Variants in PAIP1 observed in about 807,000 individuals in gnomAD.
PAIP1 encodes the protein poly(A) binding protein interacting protein 1, also known as polyadenylate-binding protein-interacting protein 1.
Under a neutral mutation model 61.3 loss-of-function variants are expected in PAIP1, and 16 were observed. That is an observed-to-expected ratio of 0.26 (90% CI 0.18 to 0.40). The LOEUF is 0.40. Among genes scored for constraint, PAIP1 ranks in the 10% least tolerant of loss-of-function variants. The pLI, the probability that PAIP1 is intolerant of heterozygous loss-of-function variation, is 1.00. For synonymous variants in PAIP1, 187 were observed against 226.2 expected, an observed-to-expected ratio of 0.83 and a Z score of 1.56; for missense variants, 416 against 600.9, an observed-to-expected ratio of 0.69 and a Z score of 3.22.
Position 43,557,066 on chromosome 5 carries a change from C to T in PAIP1, c.-220G>A, listed in dbSNP as rs1748129635. On this transcript the variant is annotated 5_prime_UTR_variant, in exon 1 of 11. Transcript: ENST00000306846. ...CAGAGCGCCCGCCCCGCTCGGCTAC[C>T]CTCGGCTTTCCAGTTCTCCCCCAAA... 3 of 836,386 alleles carry T rather than the reference C, an allele frequency of 3.6e-6. No homozygotes were observed. The Admixed American group carries it at 1.3e-4, about 37-fold the overall frequency. 51.8% of individuals were successfully genotyped at this position (836,386 alleles called of 1,614,324 possible).
intron 5 of PAIP1, 58 bp from the exon 6 acceptor site, chr5:43,537,002 TA>T: frequency 7.9e-7 from 1 of 1,266,678 alleles, no homozygotes; most frequent in Non-Finnish European, 1.1e-6. Flanking sequence ...TACAGATACA[TA>T]AATGAACTAA....
intron 2 of PAIP1, among the ~76,000 whole-genome samples, chr5:43,549,753 T>A (rs1483421553): frequency 7.6e-6 from 1 of 131,876 alleles, no homozygotes. Context: ...GGAGTCTCGC[T>A]CTGTCACCCA....
At chr5:43,544,616 G>A (rs987830951) in intron 3 of PAIP1, among the ~76,000 whole-genome samples, 1 of 152,098 alleles carries the variant, frequency 6.6e-6, no homozygotes, top group Non-Finnish European at 1.5e-5. Context: ...ATTTCTTACT[G>A]CAACTTGAGC....
chr5:43,536,109 G>C (rs1207491973), intron 6 of PAIP1, among the ~76,000 whole-genome samples: 2 of 152,042 alleles, frequency 1.3e-5, no homozygotes, highest in Non-Finnish European at 2.9e-5. Context: ...AAAATCATCT[G>C]ACAAAACAAA....
At chr5:43,554,070 T>C (rs900721093) in intron 2 of PAIP1, among the ~76,000 whole-genome samples, 2 of 152,222 alleles carry the variant, frequency 1.3e-5, no homozygotes, top group East Asian at 1.9e-4. Context: ...CAGGAGGTGC[T>C]GATCTATTAG....
At chr5:43,544,723 A>T (rs1045048101) in intron 3 of PAIP1, among the ~76,000 whole-genome samples, 4 of 152,352 alleles carry the variant, frequency 2.6e-5, no homozygotes, top group African/African-American at 7.2e-5. Flanking sequence ...CTCATGTGAC[A>T]GGTCAGTCAA....
At chr5:43,556,512 T>G in intron 1 of PAIP1, 70 bp downstream of exon 1, 1 of 1,221,486 alleles carries the variant, frequency 8.2e-7, no homozygotes, top group Non-Finnish European at 1.0e-6. Context: ...GCGTCGGGCC[T>G]CGGCACGCGT....
In PAIP1 at chr5:43,548,400, A is replaced by AC. The variant is rs977001657; in HGVS notation, c.436-488_436-487insG. On this transcript the variant is annotated intron_variant, in intron 2 of 10. Coordinates refer to ENST00000306846, the MANE Select transcript of PAIP1 (RefSeq NM_006451.5). Reference sequence around the variant, plus strand: ...TTGACAACTTTTTTATTGGGGAAAAAAAAAACAAAAACAAAAACCTAATAA... The same window carrying AC: ...TTGACAACTTTTTTATTGGGGAAAAACAAAAACAAAAACAAAAACCTAATAA... Among the ~76,000 whole-genome samples the AC allele has an allele frequency of 3.1e-4, 47 of 151,866 alleles. 1 individual carries two copies. Among genetic ancestry groups the AC allele is most frequent in the Admixed American group, 5.9e-4 (9 of 15,246 alleles).
intron 9 of PAIP1, among the ~76,000 whole-genome samples, chr5:43,530,478 C>T (rs1399426653): frequency 6.6e-6 from 1 of 152,098 alleles, no homozygotes; most frequent in African/African-American, 2.4e-5. Flanking sequence ...AAGTCCTAAC[C>T]TCTGAATAAA....
intron 2 of PAIP1, among the ~76,000 whole-genome samples, 179 bp downstream of exon 2, chr5:43,555,651 A>G (rs578048743): frequency 3.4e-4 from 52 of 152,378 alleles, no homozygotes; most frequent in African/African-American, 1.2e-3. Flanking sequence ...GAATATAACT[A>G]CAAAATGTAT....
rs141838872 is a variant in PAIP1 at position 43,547,770 on chromosome 5, T to A, written c.579A>T (p.Thr193=). The A allele has an allele frequency of 4.2e-5, 67 of 1,611,406 alleles. No homozygotes were observed. The African/African-American group carries it at 8.7e-4, about 21-fold the overall frequency. ...CCACAAGTTCTTGCAAAGCATCATC[T>A]GTTGTAACACAACCATTCAGGGTCT... ...FAETLNGCVT[T]DDALQELVEL... Residue 193 remains threonine (T), a synonymous_variant, in exon 3 of 11, where the codon ACA becomes ACT. Transcript: ENST00000306846.
chr5:43,542,663 G>A (rs1168182468), intron 4 of PAIP1, among the ~76,000 whole-genome samples: 1 of 152,000 alleles, frequency 6.6e-6, no homozygotes, highest in African/African-American at 2.4e-5. Context: ...TGATAAAAGT[G>A]GCAATTCAAA....
rs1001791257 is a variant in PAIP1, at chr5:43,529,717, C to T, written c.1346+69G>A. ...CCAAACACCATTCCTTCATGAGCTA[C>T]TTTGTCTAATCTCCACCTATAAATT... On this transcript the variant is annotated intron_variant, in intron 10 of 10. Transcript: ENST00000306846. 22 of 854,772 alleles carry T rather than the reference C, an allele frequency of 2.6e-5. 1 individual carries two copies. The highest frequency in any genetic ancestry group is 3.4e-4 in the Middle Eastern group (1 of 2,970). 52.9% of individuals were successfully genotyped at this position (854,772 alleles called of 1,614,324 possible). A position where few individuals can be genotyped will look rare whatever the true frequency, so the allele number is the denominator to read the frequency against.
At chr5:43,534,313 C>T (rs1747059226) in intron 8 of PAIP1, among the ~76,000 whole-genome samples, 1 of 152,126 alleles carries the variant, frequency 6.6e-6, no homozygotes, top group Admixed American at 6.5e-5. Flanking sequence ...AATTCTCCTG[C>T]CTCAGCCTCC....
rs1376473707 is a variant in PAIP1, at chr5:43,547,723, C to A, written c.621+5G>T. ...AAGGTCACTGCATGCTATAAGCCAACATACCTGTTGATAGATGAGTTCCAC... is the reference window on the plus strand; with the variant it reads ...AAGGTCACTGCATGCTATAAGCCAAAATACCTGTTGATAGATGAGTTCCAC... On this transcript the variant is annotated splice_donor_5th_base_variant and intron_variant, in intron 3 of 10. Transcript: ENST00000306846. 1 of 1,598,202 alleles carries A rather than the reference C, an allele frequency of 6.3e-7. No individual in the cohort carries two copies. Among genetic ancestry groups the A allele is most frequent in the South Asian group, 1.1e-5 (1 of 89,696 alleles).
chr5:43,531,647 ACT>A (rs1478165002), intron 9 of PAIP1, among the ~76,000 whole-genome samples: 3 of 120,588 alleles, frequency 2.5e-5, no homozygotes, highest in African/African-American at 7.4e-5. Context: ...ACAGAGTGAG[ACT>A]CTGTCTCAAA....
At chr5:43,550,837 C>CCAA (rs1747833307) in intron 2 of PAIP1, among the ~76,000 whole-genome samples, 1 of 49,556 alleles carries the variant, frequency 2.0e-5, no homozygotes, top group African/African-American at 9.9e-5. Flanking sequence ...AAATATACTA[C>CCAA]AAAAAAAAAA....
intron 3 of PAIP1, among the ~76,000 whole-genome samples, chr5:43,547,238 C>T (rs1026057366): frequency 6.6e-6 from 1 of 151,888 alleles, no homozygotes; most frequent in African/African-American, 2.4e-5. Flanking sequence ...TATGGTTTGG[C>T]TTTCTTTTTT....
At chr5:43,527,795 T>G (rs1746763588) in intron 10 of PAIP1, among the ~76,000 whole-genome samples, 1 of 152,124 alleles carries the variant, frequency 6.6e-6, no homozygotes, top group Admixed American at 6.6e-5. Context: ...ATTAATAAAT[T>G]TACCTTACCA....
Sources: gnomAD v4.1 joint callset for allele counts (sites outside exome capture counted in the v4.1 genomes callset) on GRCh38, gnomAD v4.1.1 for gene constraint, MANE v1.5 for transcripts, NCBI Gene and HGNC (gene_info 2026-07-23, HGNC 2026-07-21) for gene names.